Variants in SCLY observed in about 807,000 individuals in gnomAD.
SCLY encodes the protein selenocysteine lyase.
SCLY carries 38 observed loss-of-function variants against 50.1 expected under a neutral mutation model. The observed-to-expected ratio is 0.76, with a 90% confidence interval of 0.59 to 0.99. The LOEUF (loss-of-function observed/expected upper bound fraction) is 0.99. SCLY is among the 50% of genes least tolerant of loss of function. The probability of loss-of-function intolerance (pLI) is 0.00; values close to 1 mark genes in which losing one functional copy is unlikely to be tolerated. For synonymous variants in SCLY, 243 were observed against 249.4 expected, an observed-to-expected ratio of 0.97 and a Z score of 0.24; for missense variants, 600 against 620.0, an observed-to-expected ratio of 0.97 and a Z score of 0.34.
intron 4 of SCLY, among the ~76,000 whole-genome samples, chr2:238,074,272 C>T (rs1275928437): frequency 6.6e-6 from 1 of 151,294 alleles, no homozygotes; most frequent in African/African-American, 2.4e-5. Context: ...TGTCACCACA[C>T]TCCAGCCTGA....
rs976888423 is a variant in SCLY at position 238,099,141 on chromosome 2, A to G, written c.*786A>G. Reference sequence around the variant, plus strand: ...TTATTAACTCAGGGTTTCAGCTCCAACCTCGCTGAGTTGGTGCAGCTCCAG... The same window carrying G: ...TTATTAACTCAGGGTTTCAGCTCCAGCCTCGCTGAGTTGGTGCAGCTCCAG... On this transcript the variant is annotated 3_prime_UTR_variant, in exon 12 of 12. Coordinates refer to ENST00000254663, the MANE Select transcript of SCLY (RefSeq NM_016510.7). 4.8e-6 allele frequency: 2 copies of G among 416,534 alleles called. No individual in the cohort carries two copies. The highest frequency in any genetic ancestry group is 1.8e-5 in the South Asian group (1 of 54,450). 25.8% of individuals were successfully genotyped at this position (416,534 alleles called of 1,614,324 possible).
chr2:238,098,259 C>T lies in SCLY; in HGVS notation c.1242C>T (p.Leu414=), dbSNP rs748754222. ...CCTTCGACGTGGCCAGGAACGCGCTCCGGCTCAGCGTGGGCCGCAGCACCA... is the reference window on the plus strand; with the variant it reads ...CCTTCGACGTGGCCAGGAACGCGCTTCGGCTCAGCGTGGGCCGCAGCACCA... ...GVPFDVARNA[L]RLSVGRSTTR... is the part of the protein sequence containing the mutation. Residue 414 remains leucine, a synonymous_variant, in exon 12 of 12, where the codon CTC becomes CTT. Transcript: ENST00000254663. 2 of 1,610,768 alleles carry T rather than the reference C, an allele frequency of 1.2e-6. No individual in the cohort carries two copies. Among genetic ancestry groups the T allele is most frequent in the Non-Finnish European group, 1.7e-6 (2 of 1,179,678 alleles).
intron 4 of SCLY, chr2:238,080,543 G>T (rs2065225908): frequency 1.3e-5 from 2 of 152,394 alleles, no homozygotes; most frequent in African/African-American, 4.8e-5. Context: ...CGGCAAGCCG[G>T]GTGGACCCCC....
In SCLY at chr2:238,061,191, G is replaced by T. The variant is rs577395016; in HGVS notation, c.89+48G>T. On this transcript the variant is annotated intron_variant, in intron 1 of 11. Coordinates refer to ENST00000254663, the MANE Select transcript of SCLY (RefSeq NM_016510.7). ...TGGGGAGCGGCCGGCGCCTGTCGCC[G>T]ATTGTCCCGCGCGGGAGGACGAAGG... is the stretch of plus-strand genomic sequence containing the variant. 8.4e-4 allele frequency: 1,159 copies of T among 1,374,870 alleles called. 1 individual carries two copies. The highest frequency in any genetic ancestry group is 2.0e-3 in the South Asian group (157 of 79,786). 85.2% of individuals were successfully genotyped at this position (1,374,870 alleles called of 1,614,324 possible).
At chr2:238,070,478 G>A (rs146132923) in intron 4 of SCLY, among the ~76,000 whole-genome samples, 2,107 of 152,044 alleles carry the variant, frequency 0.014, 42 homozygotes, top group African/African-American at 0.048. Flanking sequence ...TCAGGAGTTC[G>A]AGACCAGCCT....
chr2:238,082,688 G>T, intron 6 of SCLY: 1 of 186,732 alleles, frequency 5.4e-6, no homozygotes, highest in Non-Finnish European at 1.1e-5. Context: ...TAACAGTGAA[G>T]ACCCTTCTGA....
chr2:238,084,826 G>A (rs746225048), intron 7 of SCLY, among the ~76,000 whole-genome samples: 3 of 143,758 alleles, frequency 2.1e-5, no homozygotes, highest in South Asian at 2.2e-4. Flanking sequence ...CCCGGGAGGC[G>A]GAGGTTGCAC....
At chr2:238,087,571 G>T (rs893010398) in intron 7 of SCLY, among the ~76,000 whole-genome samples, 12 of 152,152 alleles carry the variant, frequency 7.9e-5, no homozygotes, top group African/African-American at 2.9e-4. Flanking sequence ...TTCTATCGAA[G>T]AATTCTTTGT....
Position 238,098,503 on chromosome 2 carries a change from C to G in SCLY, c.*148C>G. On this transcript the variant is annotated 3_prime_UTR_variant, in exon 12 of 12. Coordinates refer to ENST00000254663, the MANE Select transcript of SCLY (RefSeq NM_016510.7). The stretch of plus-strand genomic sequence containing the variant: ...CCTGGAGTGCCAGCGAGTGTGCACC[C>G]CCAGTTTCCTTCCCTGGACCCCTGC... The G allele has an allele frequency of 1.1e-6, 1 of 923,460 alleles. No homozygotes were observed. The highest frequency in any genetic ancestry group is 2.9e-5 in the Admixed American group (1 of 34,116). 57.2% of individuals were successfully genotyped at this position (923,460 alleles called of 1,614,324 possible).
At chr2:238,087,205 G>C (rs928675745) in intron 7 of SCLY, among the ~76,000 whole-genome samples, 1 of 151,234 alleles carries the variant, frequency 6.6e-6, no homozygotes, top group Non-Finnish European at 1.5e-5. Flanking sequence ...CGGGCCTGTA[G>C]TCTCAGCTAT....
In SCLY at chr2:238,083,789, C is replaced by G. The variant is rs1346558949; in HGVS notation, c.884+435C>G. 1.3e-5 allele frequency among the ~76,000 whole-genome samples: 2 copies of G among 152,062 alleles called. No individual in the cohort carries two copies. Among genetic ancestry groups the G allele is most frequent in the East Asian group, 3.8e-4 (2 of 5,196 alleles). ...GTTAACTGGGAAATTAGTTGTTGCC[C>G]CCACCACACCTTTTGTTAGAAACTA... On this transcript the variant is annotated intron_variant, in intron 7 of 11. Coordinates refer to ENST00000254663, the MANE Select transcript of SCLY (RefSeq NM_016510.7). This position sits in a 1 kb window ranked among gnomAD's most constrained non-coding sequence, Gnocchi z 4.3.
chr2:238,091,551 A>ACCGAGATCTACACGC, intron 8 of SCLY: 1 of 404,516 alleles, frequency 2.5e-6, no homozygotes, highest in Non-Finnish European at 4.6e-6. Context: ...CAGGTTCACC[A>ACCGAGATCTACACGC]TTCCCAAAGG....
Position 238,082,059 on chromosome 2 carries a change from C to T in SCLY, c.627C>T (p.Ile209=), listed in dbSNP as rs769034504. 5 of 1,613,090 alleles carry T rather than the reference C, an allele frequency of 3.1e-6. No individual in the cohort carries two copies. The highest frequency in any genetic ancestry group is 1.3e-5 in the African/African-American group (1 of 75,064). ...ETGIVMPVPE[I]SQRIKALNQE... is the part of the protein sequence containing the mutation. ...TTCCCCGTCAGCCTGTCCCTGAAAT[C>T]AGTCAGCGCATTAAAGCCCTGAACC... Residue 209 remains isoleucine (I), a synonymous_variant, in exon 6 of 12, where the codon ATC becomes ATT. Coordinates refer to ENST00000254663, the MANE Select transcript of SCLY (RefSeq NM_016510.7).
At chr2:238,068,266 A>G (rs897570642) in intron 3 of SCLY, 101 bp downstream of exon 3, 1 of 939,304 alleles carries the variant, frequency 1.1e-6, no homozygotes, top group African/African-American at 1.7e-5. Flanking sequence ...AAGAAAGAGT[A>G]GGCCAAGTGT....
Position 238,083,134 on chromosome 2 carries a change from G to A in SCLY, c.778-114G>A, listed in dbSNP as rs2065255481. 1.2e-6 allele frequency: 1 copy of A among 807,708 alleles called. No individual in the cohort carries two copies. The highest frequency in any genetic ancestry group is 2.2e-6 in the Non-Finnish European group (1 of 454,184). The allele number at this position is 807,708 out of a possible 1,614,324, so 50.0% of individuals were successfully genotyped here. A position where few individuals can be genotyped will look rare whatever the true frequency, so the allele number is the denominator to read the frequency against. ...CACTCAGAGGCGCCACAAGGAAGCA[G>A]CAGGACTATGCATTGCAGAGCATTT... On this transcript the variant is annotated intron_variant, in intron 6 of 11. Transcript: ENST00000254663. This position sits in a 1 kb window ranked among gnomAD's most constrained non-coding sequence, Gnocchi z 4.3.
chr2:238,069,187 T>C lies in SCLY; in HGVS notation c.304-110T>C. The C allele has an allele frequency of 9.8e-7, 1 of 1,022,738 alleles. No homozygotes were observed. Among genetic ancestry groups the C allele is most frequent in the South Asian group, 1.7e-5 (1 of 58,220 alleles). 63.4% of individuals were successfully genotyped at this position (1,022,738 alleles called of 1,614,324 possible). A position where few individuals can be genotyped will look rare whatever the true frequency, so the allele number is the denominator to read the frequency against. On this transcript the variant is annotated intron_variant, in intron 3 of 11. Transcript: ENST00000254663. This position sits in a 1 kb window ranked among gnomAD's most constrained non-coding sequence, Gnocchi z 5.0. Reference sequence around the variant, plus strand: ...TCCCACTCAGGAAGTTGAATTTCTTTGAAGCTTTTTTGATGTTAGCCACAA... The same window carrying C: ...TCCCACTCAGGAAGTTGAATTTCTTCGAAGCTTTTTTGATGTTAGCCACAA...
chr2:238,098,493 AG>A lies in SCLY; in HGVS notation c.*139del. 1 of 991,976 alleles carries A rather than the reference AG, an allele frequency of 1.0e-6. No homozygotes were observed. Among genetic ancestry groups the A allele is most frequent in the Admixed American group, 2.9e-5 (1 of 35,082 alleles). The allele number at this position is 991,976 out of a possible 1,614,324, so 61.4% of individuals were successfully genotyped here. On this transcript the variant is annotated 3_prime_UTR_variant, in exon 12 of 12. Coordinates refer to ENST00000254663, the MANE Select transcript of SCLY (RefSeq NM_016510.7). ...TGCATTTTGTCCTGGAGTGCCAGCG[AG>A]TGTGCACCCCCAGTTTCCTTCCCTG...
At chr2:238,079,412 T>C (rs2065211674) in intron 4 of SCLY, 1 of 152,218 alleles carries the variant, frequency 6.6e-6, no homozygotes, top group Non-Finnish European at 1.5e-5. Context: ...AGAGCAAGTA[T>C]ATGTTTATAG....
rs1576670526 is a variant in SCLY, at chr2:238,081,714, A to C, written c.490A>C (p.Thr164Pro). 1.2e-6 allele frequency: 2 copies of C among 1,613,196 alleles called. No individual in the cohort carries two copies. Among genetic ancestry groups the C allele is most frequent in the South Asian group, 2.2e-5 (2 of 91,048 alleles). The change falls in exon 5 of 12, where the codon ACC (threonine) becomes CCC (proline). Residue 164 changes from threonine to proline, a missense_variant. Coordinates refer to ENST00000254663, the MANE Select transcript of SCLY (RefSeq NM_016510.7). ...TACTCATGTTTGTTTCCCAGCGGTC[A>C]CCTTTGTCCCGGTGTCCAAGGTGAG... ...HLVEEQVAAVTFVPVSKVSGQ... is the reference protein window; with the variant it reads ...HLVEEQVAAVPFVPVSKVSGQ...
Sources: gnomAD v4.1 joint callset for allele counts (sites outside exome capture counted in the v4.1 genomes callset) on GRCh38, gnomAD v4.1.1 for gene constraint, Gnocchi (gnomAD v3.1) non-coding constraint, MANE v1.5 for transcripts, NCBI Gene and HGNC (gene_info 2026-07-23, HGNC 2026-07-21) for gene names.